Variants in HTT observed in about 807,000 individuals in gnomAD.
HTT encodes the protein huntingtin.
In HTT, 104 loss-of-function variants were observed where a neutral mutation model predicts 362.3. The ratio of observed to expected loss-of-function variants is 0.29; its 90% CI spans 0.24 to 0.34. The LOEUF (loss-of-function observed/expected upper bound fraction) is 0.34. Ranked by LOEUF, HTT falls within the 10% of genes least tolerant of loss-of-function variation. The probability of loss-of-function intolerance (pLI) is 1.00; values close to 1 mark genes in which losing one functional copy is unlikely to be tolerated. For synonymous variants in HTT, 1,577 were observed against 1,548.7 expected, an observed-to-expected ratio of 1.02 and a Z score of -0.43; for missense variants, 3,301 against 3,928.6, an observed-to-expected ratio of 0.84 and a Z score of 4.27.
chr4:3,233,234 G>T lies in HTT; in HGVS notation c.8337G>T (p.Arg2779Ser). The change falls in exon 61 of 67, where the codon AGG becomes AGT. Residue 2779 changes from arginine to serine, a missense_variant. Physicochemically the swap from Arg to Ser is moderately radical, Grantham distance 110 (BLOSUM62 -1). Coordinates refer to ENST00000355072, the MANE Select transcript of HTT (RefSeq NM_001388492.1). ...TCAGGAGCAGCCACCTGCCCAGCAGGGTTGGAGCCCTGCACGGCGTCCTCT... is the reference window on the plus strand; with the variant it reads ...TCAGGAGCAGCCACCTGCCCAGCAGTGTTGGAGCCCTGCACGGCGTCCTCT... ...STLRSSHLPS[R>S]VGALHGVLYV... 6.2e-7 allele frequency: 1 copy of T among 1,608,544 alleles called. No homozygotes were observed. Among genetic ancestry groups the T allele is most frequent in the Non-Finnish European group, 8.5e-7 (1 of 1,175,924 alleles).
intron 6 of HTT, among the ~76,000 whole-genome samples, chr4:3,110,758 TC>T (rs1289673029): frequency 6.6e-6 from 1 of 152,206 alleles, no homozygotes; most frequent in African/African-American, 2.4e-5. Context: ...TTGGAAGCTT[TC>T]CATTTTTGGG....
At chr4:3,211,717 T>A (rs1344554298) in intron 47 of HTT, among the ~76,000 whole-genome samples, 1 of 152,224 alleles carries the variant, frequency 6.6e-6, no homozygotes, top group African/African-American at 2.4e-5. Flanking sequence ...AGAACAGATA[T>A]ATATTTTACT....
At chr4:3,100,761 C>T (rs1714112826) in intron 3 of HTT, among the ~76,000 whole-genome samples, 1 of 152,214 alleles carries the variant, frequency 6.6e-6, no homozygotes, top group African/African-American at 2.4e-5. Flanking sequence ...CAGGGTCTCG[C>T]TCAGTCACCC....
chr4:3,196,191 G>T (rs1325054291), intron 40 of HTT, among the ~76,000 whole-genome samples: 2 of 152,180 alleles, frequency 1.3e-5, no homozygotes, highest in East Asian at 1.9e-4. Flanking sequence ...TGCCCAGCAG[G>T]TGTCTGCCTT....
rs1721861385 is a variant in HTT, at chr4:3,242,703, C to G, written c.*2644C>G. On this transcript the variant is annotated 3_prime_UTR_variant, in exon 67 of 67. Transcript: ENST00000355072. ...CCATCGTATTATCCAAATTTTGTTGCAAATGTGATTAATTTGGTTGTCAAG... is the reference window on the plus strand; with the variant it reads ...CCATCGTATTATCCAAATTTTGTTGGAAATGTGATTAATTTGGTTGTCAAG... The G allele has an allele frequency of 1.3e-5, 2 of 152,264 alleles. No individual in the cohort carries two copies. The highest frequency in any genetic ancestry group is 4.1e-4 in the South Asian group (2 of 4,820). 9.4% of individuals were successfully genotyped at this position (152,264 alleles called of 1,614,324 possible). A position where few individuals can be genotyped will look rare whatever the true frequency, so the allele number is the denominator to read the frequency against.
intron 29 of HTT, among the ~76,000 whole-genome samples, chr4:3,163,688 G>T (rs1193025068): frequency 6.6e-6 from 1 of 152,172 alleles, no homozygotes; most frequent in Non-Finnish European, 1.5e-5. Flanking sequence ...ATTTCTTCTA[G>T]ATTTTCTAGT....
intron 29 of HTT, among the ~76,000 whole-genome samples, chr4:3,170,330 AT>A (rs1717912378): frequency 6.6e-6 from 1 of 152,132 alleles, no homozygotes; most frequent in South Asian, 2.1e-4. Flanking sequence ...CTCTTTAGGA[AT>A]AATTAGGTAC....
At chr4:3,107,467 G>C in intron 6 of HTT, 44 bp downstream of exon 6, 1 of 1,606,640 alleles carries the variant, frequency 6.2e-7, no homozygotes, top group Non-Finnish European at 8.5e-7. Context: ...GTGATGCTGT[G>C]AGTGAGTCTG....
At chr4:3,103,693 T>C in intron 3 of HTT, 131 bp from the exon 4 acceptor site, 1 of 637,752 alleles carries the variant, frequency 1.6e-6, no homozygotes. Flanking sequence ...TCATTCTTAA[T>C]GAATATATTC....
In HTT at chr4:3,206,261, C is replaced by T. The variant is rs547059316; in HGVS notation, c.5719-235C>T. On this transcript the variant is annotated intron_variant, in intron 42 of 66. Transcript: ENST00000355072. The surrounding 1 kb of genome is among the most constrained non-coding windows in gnomAD (Gnocchi z 4.6). Reference sequence around the variant, plus strand: ...GCTGGACTGCTGTACCCTACTTCCCCAGGGGGCCTAACTTCACACAGCCTC... The same window carrying T: ...GCTGGACTGCTGTACCCTACTTCCCTAGGGGGCCTAACTTCACACAGCCTC... Among the ~76,000 whole-genome samples, 2 of 151,256 alleles carry T rather than the reference C, an allele frequency of 1.3e-5. No homozygotes were observed. The highest frequency in any genetic ancestry group is 1.3e-4 in the Admixed American group (2 of 15,278).
At chr4:3,223,956 A>C (rs1198089442) in intron 55 of HTT, 36 bp from the exon 56 acceptor site, 1 of 1,610,952 alleles carries the variant, frequency 6.2e-7, no homozygotes, top group Non-Finnish European at 8.5e-7. Context: ...ATTTTGAAGG[A>C]AACAAAACAC....
intron 1 of HTT, among the ~76,000 whole-genome samples, chr4:3,080,358 G>C (rs191764182): frequency 1.3e-5 from 2 of 151,222 alleles, no homozygotes; most frequent in East Asian, 4.0e-4. Flanking sequence ...GCCTGCCAAA[G>C]TGCTGGGATT....
chr4:3,121,098 G>T, intron 8 of HTT, 130 bp from the exon 9 acceptor site: 1 of 618,406 alleles, frequency 1.6e-6, no homozygotes. Context: ...GAAGTGATAG[G>T]GAAATATTTA....
At chr4:3,224,706 C>T (rs976875886) in intron 56 of HTT, among the ~76,000 whole-genome samples, 2 of 152,136 alleles carry the variant, frequency 1.3e-5, no homozygotes, top group Admixed American at 6.5e-5. Flanking sequence ...AGTATTTTAG[C>T]GTAGAGCTCT....
Position 3,131,740 on chromosome 4 carries a change from T to G in HTT, c.2201T>G (p.Leu734Arg). ...CACCCGGAATCTTTCTTCAGCAAAC[T>G]CTATAAAGTTCCTCTTGACACCACG... is the stretch of plus-strand genomic sequence containing the variant. ...ALHPESFFSK[L>R]YKVPLDTTEY... The change falls in exon 16 of 67, where the codon CTC (leucine) becomes CGC (arginine). Residue 734 changes from leucine (L) to arginine (R), a missense_variant. By Grantham distance (102) the Leu-to-Arg change is moderately radical. Coordinates refer to ENST00000355072, the MANE Select transcript of HTT (RefSeq NM_001388492.1). The G allele has an allele frequency of 1.2e-6, 2 of 1,614,132 alleles. No homozygotes were observed. The highest frequency in any genetic ancestry group is 8.5e-7 in the Non-Finnish European group (1 of 1,179,984).
At chr4:3,143,454 A>G (rs1464628792) in intron 23 of HTT, among the ~76,000 whole-genome samples, 1 of 150,658 alleles carries the variant, frequency 6.6e-6, no homozygotes, top group East Asian at 1.9e-4. Flanking sequence ...AAAAAAAAAA[A>G]AGAAAAGAAA....
chr4:3,233,072 TGAGGGC>T, intron 60 of HTT, 85 bp from the exon 61 acceptor site: 1 of 1,067,538 alleles, frequency 9.4e-7, no homozygotes, highest in Non-Finnish European at 1.4e-6. Flanking sequence ...CACACAAGCG[TGAGGGC>T]AGCGCCCCCG....
Position 3,083,607 on chromosome 4 carries a change from A to G in HTT, c.264-3332A>G, listed in dbSNP as rs1713043909. On this transcript the variant is annotated intron_variant, in intron 1 of 66. Coordinates refer to ENST00000355072, the MANE Select transcript of HTT (RefSeq NM_001388492.1). Reference sequence around the variant, plus strand: ...CACACATATATATGTATATATATGCATTTAGATGAAAAGATCACTTTGACA... The same window carrying G: ...CACACATATATATGTATATATATGCGTTTAGATGAAAAGATCACTTTGACA... Among the ~76,000 whole-genome samples, 3 of 151,752 alleles carry G rather than the reference A, an allele frequency of 2.0e-5. No homozygotes were observed. The South Asian group carries it at 6.3e-4, about 32-fold the overall frequency.
intron 38 of HTT, among the ~76,000 whole-genome samples, chr4:3,187,401 C>T (rs1239454783): frequency 5.3e-5 from 8 of 152,126 alleles, no homozygotes; most frequent in Non-Finnish European, 1.0e-4. Context: ...GTGATCCGCC[C>T]GCCTCGGCCT....
Sources: gnomAD v4.1 joint callset for allele counts (sites outside exome capture counted in the v4.1 genomes callset) on GRCh38, gnomAD v4.1.1 for gene constraint, Gnocchi (gnomAD v3.1) non-coding constraint, MANE v1.5 for transcripts, NCBI Gene and HGNC (gene_info 2026-07-23, HGNC 2026-07-21) for gene names.